SRPK2: variants seen among roughly 807,000 people sequenced by gnomAD.
SRPK2 encodes SFRS protein kinase 2.
Under a neutral mutation model 90.8 loss-of-function variants are expected in SRPK2, and 21 were observed. The ratio of observed to expected loss-of-function variants is 0.23; its 90% CI spans 0.16 to 0.33. The LOEUF (loss-of-function observed/expected upper bound fraction) is 0.33. Among genes scored for constraint, SRPK2 ranks in the 10% least tolerant of loss-of-function variants. SRPK2 has a pLI of 1.00. For missense variants in SRPK2, 620 were observed against 869.0 expected (o/e 0.71, Z 3.60); for synonymous variants, 288 against 311.1 (o/e 0.93, Z 0.78).
At chr7:105,310,433 A>G (rs1811579468) in intron 2 of SRPK2, among the ~76,000 whole-genome samples, 1 of 152,158 alleles carries the variant, frequency 6.6e-6, no homozygotes, top group African/African-American at 2.4e-5. Context: ...ACCTGAGCTC[A>G]GGAGTTCAAG....
At chr7:105,357,581 T>C (rs1041191854) in intron 2 of SRPK2, among the ~76,000 whole-genome samples, 2 of 151,774 alleles carry the variant, frequency 1.3e-5, no homozygotes, top group African/African-American at 4.8e-5. Context: ...CCATCTCTAC[T>C]AAAAATACAA....
intron 2 of SRPK2, among the ~76,000 whole-genome samples, chr7:105,387,171 C>T (rs1821706932): frequency 6.6e-6 from 1 of 152,178 alleles, no homozygotes; most frequent in Non-Finnish European, 1.5e-5. Flanking sequence ...TGGGGTCATA[C>T]TTTTTCCACT....
At chr7:105,126,146 GA>G in intron 15 of SRPK2, 101 bp downstream of exon 15, 2 of 1,029,948 alleles carry the variant, frequency 1.9e-6, no homozygotes, top group Admixed American at 4.0e-5. Flanking sequence ...GTTGCGTTTC[GA>G]ATTTAGGAGA....
intron 2 of SRPK2, among the ~76,000 whole-genome samples, chr7:105,379,310 G>C (rs957065219): frequency 1.7e-4 from 26 of 151,814 alleles, no homozygotes; most frequent in African/African-American, 6.3e-4. Context: ...CCATTGACAT[G>C]GTATTTACAT....
intron 2 of SRPK2, among the ~76,000 whole-genome samples, chr7:105,263,381 G>A (rs1804595303): frequency 6.6e-6 from 1 of 151,246 alleles, no homozygotes; most frequent in Non-Finnish European, 1.5e-5. Context: ...ACCACAAACT[G>A]TAAGCCTCCC....
At chr7:105,170,914 AGGAG>A (rs1790916398) in intron 3 of SRPK2, among the ~76,000 whole-genome samples, 1 of 112,114 alleles carries the variant, frequency 8.9e-6, no homozygotes, top group African/African-American at 3.7e-5. Context: ...AAAGAAAGAA[AGGAG>A]AAAGAAAAAG....
chr7:105,297,165 A>C (rs1809933865), intron 2 of SRPK2, among the ~76,000 whole-genome samples: 1 of 152,210 alleles, frequency 6.6e-6, no homozygotes, highest in African/African-American at 2.4e-5. Context: ...AACATGGGTC[A>C]ATTTTATTAG....
At chr7:105,280,488 T>C (rs111414998) in intron 2 of SRPK2, among the ~76,000 whole-genome samples, 2 of 151,894 alleles carry the variant, frequency 1.3e-5, no homozygotes, top group Non-Finnish European at 2.9e-5. Flanking sequence ...AATTTTTGCA[T>C]ACAAACAACT....
intron 7 of SRPK2, among the ~76,000 whole-genome samples, chr7:105,159,364 T>C (rs1807069329): frequency 1.4e-5 from 2 of 145,058 alleles, no homozygotes; most frequent in South Asian, 2.2e-4. Context: ...CAAGCACCTA[T>C]AGTCCCAGCT....
chr7:105,298,717 C>T (rs1002387737), intron 2 of SRPK2: 2 of 985,332 alleles, frequency 2.0e-6, no homozygotes, highest in African/African-American at 3.5e-5. Flanking sequence ...CATCCCCATC[C>T]CTCCTCAGCT....
At chr7:105,285,168 T>C (rs919316636) in intron 2 of SRPK2, among the ~76,000 whole-genome samples, 4 of 151,940 alleles carry the variant, frequency 2.6e-5, no homozygotes, top group Non-Finnish European at 4.4e-5. Context: ...GGAGGATTGC[T>C]TGAGCCCAGG....
chr7:105,350,745 C>T (rs570302608), intron 2 of SRPK2, among the ~76,000 whole-genome samples: 1 of 151,422 alleles, frequency 6.6e-6, no homozygotes, highest in Non-Finnish European at 1.5e-5. Flanking sequence ...TGGTCTCCAA[C>T]TCCTGACCTC....
intron 2 of SRPK2, among the ~76,000 whole-genome samples, chr7:105,313,339 C>T (rs911310903): frequency 6.6e-5 from 10 of 150,406 alleles, no homozygotes; most frequent in East Asian, 5.8e-4. Context: ...CCCAGCTACT[C>T]GGGCAGCTGA....
At chr7:105,303,941 G>GA (rs1320814488) in intron 2 of SRPK2, among the ~76,000 whole-genome samples, 7 of 152,068 alleles carry the variant, frequency 4.6e-5, no homozygotes, top group East Asian at 1.9e-4. Flanking sequence ...GTTAACAGCT[G>GA]AAAAAAACAG....
At chr7:105,230,773 G>T (rs1799327332) in intron 2 of SRPK2, among the ~76,000 whole-genome samples, 1 of 152,090 alleles carries the variant, frequency 6.6e-6, no homozygotes, top group Admixed American at 6.5e-5. Flanking sequence ...TATGATCTCT[G>T]TCATATGTTG....
intron 2 of SRPK2, among the ~76,000 whole-genome samples, chr7:105,274,366 G>A (rs972452525): frequency 9.9e-5 from 15 of 151,926 alleles, no homozygotes; most frequent in South Asian, 4.2e-4. Context: ...GTTCAAGACC[G>A]GCCTGGCCAA....
intron 2 of SRPK2, among the ~76,000 whole-genome samples, chr7:105,360,280 A>G (rs922555632): frequency 2.0e-5 from 3 of 152,106 alleles, no homozygotes; most frequent in African/African-American, 7.2e-5. Context: ...GTGTCTCTGA[A>G]GGTAAGATGG....
chr7:105,321,669 C>A (rs530861148), intron 2 of SRPK2, among the ~76,000 whole-genome samples: 2 of 151,842 alleles, frequency 1.3e-5, no homozygotes, highest in African/African-American at 4.8e-5. Context: ...ATAAAATATA[C>A]AAAAGGTCAA....
At chr7:105,322,169 C>T (rs1404057927) in intron 2 of SRPK2, among the ~76,000 whole-genome samples, 2 of 152,130 alleles carry the variant, frequency 1.3e-5, no homozygotes, top group East Asian at 3.9e-4. Context: ...AATCCCAGGA[C>T]TCTGGGAGGC....
Sources: gnomAD v4.1 joint callset for allele counts (sites outside exome capture counted in the v4.1 genomes callset) on GRCh38, gnomAD v4.1.1 for gene constraint, MANE v1.5 for transcripts, NCBI Gene and HGNC (gene_info 2026-07-23, HGNC 2026-07-21) for gene names.